The following CDK6 variants were observed in gnomAD, a reference collection of about 807,000 sequenced individuals.
The protein encoded by CDK6 is cyclin dependent kinase 6.
Under a neutral mutation model 37.1 loss-of-function variants are expected in CDK6, and 6 were observed. That is an observed-to-expected ratio of 0.16 (90% CI 0.09 to 0.32). The LOEUF (loss-of-function observed/expected upper bound fraction) is 0.32, where lower values mean the gene tolerates loss of function less well. CDK6 is among the 10% of genes least tolerant of loss of function. The probability of loss-of-function intolerance (pLI) is 1.00; values close to 1 mark genes in which losing one functional copy is unlikely to be tolerated. For missense variants in CDK6, 224 were observed against 418.9 expected, an observed-to-expected ratio of 0.53 and a Z score of 4.06; for synonymous variants, 160 against 161.3, an observed-to-expected ratio of 0.99 and a Z score of 0.06.
intron 5 of CDK6, among the ~76,000 whole-genome samples, chr7:92,627,437 A>G (rs1278149698): frequency 1.3e-5 from 2 of 152,102 alleles, no homozygotes; most frequent in Non-Finnish European, 1.5e-5. Context: ...TAGTGCCCTT[A>G]TAAGAGAGAC....
At chr7:92,783,146 AG>A (rs1800038642) in intron 2 of CDK6, among the ~76,000 whole-genome samples, 1 of 152,250 alleles carries the variant, frequency 6.6e-6, no homozygotes, top group African/African-American at 2.4e-5. Flanking sequence ...AAAGCACAGA[AG>A]GAAGAAGACA....
chr7:92,836,343 C>T (rs1246535578), intron 1 of CDK6, 135 bp downstream of exon 1: 1 of 151,788 alleles, frequency 6.6e-6, no homozygotes, highest in African/African-American at 2.4e-5. Context: ...TCCAAGGAAA[C>T]ACAGGTCCCC....
chr7:92,824,415 G>A (rs1241412584), intron 2 of CDK6, among the ~76,000 whole-genome samples: 1 of 152,054 alleles, frequency 6.6e-6, no homozygotes, highest in African/African-American at 2.4e-5. Flanking sequence ...GGGTTAATTT[G>A]AATAGTCAAA....
chr7:92,722,565 C>G (rs539759355), intron 4 of CDK6, among the ~76,000 whole-genome samples: 24 of 152,300 alleles, frequency 1.6e-4, no homozygotes, highest in African/African-American at 5.8e-4. Context: ...TCAATCAGGA[C>G]TAGGGTGCAA....
At chr7:92,738,902 G>C (rs2115620602) in intron 3 of CDK6, among the ~76,000 whole-genome samples, 1 of 152,082 alleles carries the variant, frequency 6.6e-6, no homozygotes, top group East Asian at 1.9e-4. Flanking sequence ...GTCAGCTTTT[G>C]GTATTATTCT....
At chr7:92,725,057 A>T (rs1798478168) in intron 4 of CDK6, 2 of 985,260 alleles carry the variant, frequency 2.0e-6, no homozygotes, top group Non-Finnish European at 2.4e-6. Context: ...TTTTGCCAAA[A>T]CAGGGCCGTT....
chr7:92,799,158 G>GTCTACACTTTGTGCTACAGTT (rs984223683), intron 2 of CDK6, among the ~76,000 whole-genome samples: 3 of 152,116 alleles, frequency 2.0e-5, no homozygotes, highest in African/African-American at 7.2e-5. Context: ...CTGAATGACA[G>GTCTACACTTTGTGCTACAGTT]TCTACACTTT....
intron 2 of CDK6, among the ~76,000 whole-genome samples, chr7:92,778,875 A>C (rs936918711): frequency 6.8e-6 from 1 of 147,526 alleles, no homozygotes; most frequent in Non-Finnish European, 1.5e-5. Context: ...ACTACCTGGA[A>C]TCAATAGTAA....
At chr7:92,708,846 C>G (rs1160306938) in intron 4 of CDK6, among the ~76,000 whole-genome samples, 1 of 152,084 alleles carries the variant, frequency 6.6e-6, no homozygotes, top group Non-Finnish European at 1.5e-5. Context: ...GGAGAAATTA[C>G]TATACATATT....
At chr7:92,823,800 C>T (rs997119390) in intron 2 of CDK6, among the ~76,000 whole-genome samples, 1 of 151,938 alleles carries the variant, frequency 6.6e-6, no homozygotes, top group Non-Finnish European at 1.5e-5. Flanking sequence ...TAAAAGTCTA[C>T]CCTTGAAATG....
chr7:92,726,628 C>T (rs1301012321), intron 3 of CDK6, among the ~76,000 whole-genome samples: 1 of 152,142 alleles, frequency 6.6e-6, no homozygotes, highest in African/African-American at 2.4e-5. Flanking sequence ...CCAGGCTGGT[C>T]TCAAACTCTT....
chr7:92,770,479 CAAT>C (rs1370560231), intron 3 of CDK6, among the ~76,000 whole-genome samples: 2 of 152,046 alleles, frequency 1.3e-5, no homozygotes, highest in African/African-American at 4.8e-5. Context: ...GAGCACCGTG[CAAT>C]AATTAGAGTT....
chr7:92,823,923 T>C (rs1279743138), intron 2 of CDK6, among the ~76,000 whole-genome samples: 1 of 152,094 alleles, frequency 6.6e-6, no homozygotes, highest in African/African-American at 2.4e-5. Flanking sequence ...CATCCTAGCC[T>C]TCCAAAGTGC....
At chr7:92,713,575 C>G (rs960247088) in intron 4 of CDK6, among the ~76,000 whole-genome samples, 1 of 151,038 alleles carries the variant, frequency 6.6e-6, no homozygotes, top group Non-Finnish European at 1.5e-5. Context: ...GATTAAGCTT[C>G]CATTTACTCT....
In CDK6 at chr7:92,735,804, G is replaced by A. The variant is rs185373245; in HGVS notation, c.370-10011C>T. 3.9e-3 allele frequency among the ~76,000 whole-genome samples: 587 copies of A among 152,206 alleles called. 2 individuals carry two copies. The highest frequency in any genetic ancestry group is 6.7e-3 in the Non-Finnish European group (457 of 68,008). On this transcript the variant is annotated intron_variant, in intron 3 of 7. Transcript: ENST00000424848. ...ACAGGAGTTATAGAACATTCTCACC[G>A]ATTAAACTGATTCCTGAGTCTTTCT...
Position 92,659,645 on chromosome 7 carries a change from A to C in CDK6, c.647+11781T>G, listed in dbSNP as rs1055990649. Among the ~76,000 whole-genome samples, 357 of 152,072 alleles carry C rather than the reference A, an allele frequency of 2.3e-3. 1 individual carries two copies. Among genetic ancestry groups the C allele is most frequent in the South Asian group, 6.7e-3 (32 of 4,802 alleles). The stretch of plus-strand genomic sequence containing the variant: ...ACACACACACACACACCACACACAC[A>C]CACACTTTTGAATTCATAATAAGGA... On this transcript the variant is annotated intron_variant, in intron 5 of 7. Coordinates refer to ENST00000424848, the MANE Select transcript of CDK6 (RefSeq NM_001145306.2).
intron 5 of CDK6, among the ~76,000 whole-genome samples, chr7:92,633,808 T>C (rs555998070): frequency 3.9e-5 from 6 of 152,302 alleles, no homozygotes; most frequent in Admixed American, 6.5e-5. Flanking sequence ...TACTGTCTTG[T>C]GTCATCTGAA....
chr7:92,708,000 C>T (rs1798005013), intron 4 of CDK6, among the ~76,000 whole-genome samples: 1 of 152,026 alleles, frequency 6.6e-6, no homozygotes. Flanking sequence ...GGATTATATC[C>T]AATATCTAAT....
chr7:92,831,942 C>G (rs943995881), intron 2 of CDK6, among the ~76,000 whole-genome samples: 4 of 152,184 alleles, frequency 2.6e-5, no homozygotes, highest in African/African-American at 9.6e-5. Context: ...AATTGTTTGA[C>G]TTTTTACAAA....
Sources: allele counts gnomAD v4.1 joint callset (sites outside exome capture counted in the v4.1 genomes callset), GRCh38; gene constraint gnomAD v4.1.1; transcripts MANE v1.5; gene names NCBI Gene and HGNC (gene_info 2026-07-23, HGNC 2026-07-21).